The following SPHKAP variants were observed in gnomAD, a reference collection of about 807,000 sequenced individuals.
SPHKAP encodes the protein SPHK1 interactor, AKAP domain containing.
SPHKAP carries 67 observed loss-of-function variants against 137.5 expected under a neutral mutation model. The ratio of observed to expected loss-of-function variants is 0.49; its 90% CI spans 0.40 to 0.60. The LOEUF is 0.60. Among genes scored for constraint, SPHKAP ranks in the 20% least tolerant of loss-of-function variants. SPHKAP has a pLI of 0.00. For missense variants in SPHKAP, 2,097 were observed against 2,069.3 expected (o/e 1.01, Z -0.26); for synonymous variants, 813 against 785.3 (o/e 1.04, Z -0.59).
intron 3 of SPHKAP, among the ~76,000 whole-genome samples, chr2:228,100,511 T>C (rs1698154934): frequency 1.3e-5 from 2 of 152,214 alleles, no homozygotes; most frequent in Non-Finnish European, 2.9e-5. Flanking sequence ...TTTTGAGGTA[T>C]GTTACTTTGA....
At chr2:227,999,218 A>T (rs1693753211) in intron 7 of SPHKAP, among the ~76,000 whole-genome samples, 1 of 152,158 alleles carries the variant, frequency 6.6e-6, no homozygotes, top group African/African-American at 2.4e-5. Context: ...TAGGTTTGGC[A>T]TTGAGGTGTG....
intron 3 of SPHKAP, among the ~76,000 whole-genome samples, chr2:228,071,966 G>C (rs941123125): frequency 3.9e-5 from 6 of 152,214 alleles, no homozygotes; most frequent in Admixed American, 6.5e-5. Flanking sequence ...GTGTCTGTGA[G>C]TATTTCTGGA....
chr2:228,131,810 A>G (rs1699261918), intron 2 of SPHKAP, 170 bp downstream of exon 2: 2 of 982,766 alleles, frequency 2.0e-6, no homozygotes, highest in Non-Finnish European at 1.2e-6. Context: ...CATCATTTCC[A>G]TGAATTAAAA....
chr2:228,035,726 C>T (rs1489509734), intron 3 of SPHKAP, among the ~76,000 whole-genome samples: 1 of 152,064 alleles, frequency 6.6e-6, no homozygotes, highest in Non-Finnish European at 1.5e-5. Flanking sequence ...GAAATAATGC[C>T]ACATATCTAC....
intron 1 of SPHKAP, among the ~76,000 whole-genome samples, chr2:228,144,181 C>T (rs576840633): frequency 1.3e-5 from 2 of 152,300 alleles, no homozygotes; most frequent in African/African-American, 4.8e-5. Context: ...CTCTTTATCT[C>T]TGTTTGCCCA....
At chr2:228,091,163 C>T (rs1321364779) in intron 3 of SPHKAP, among the ~76,000 whole-genome samples, 1 of 151,930 alleles carries the variant, frequency 6.6e-6, no homozygotes, top group Non-Finnish European at 1.5e-5. Context: ...AGGATAAAAA[C>T]AGATTAAAAA....
chr2:228,096,098 G>A (rs1356065348), intron 3 of SPHKAP, among the ~76,000 whole-genome samples: 1 of 152,138 alleles, frequency 6.6e-6, no homozygotes, highest in African/African-American at 2.4e-5. Context: ...TTATGGGGCA[G>A]CAAGTGGGTA....
At chr2:228,021,253 T>A (rs1694832195) in intron 6 of SPHKAP, among the ~76,000 whole-genome samples, 1 of 152,146 alleles carries the variant, frequency 6.6e-6, no homozygotes, top group Non-Finnish European at 1.5e-5. Context: ...ACTCCCAAAT[T>A]AGACAAACAA....
At chr2:228,132,130 T>C in intron 1 of SPHKAP, 45 bp from the exon 2 acceptor site, 2 of 1,464,792 alleles carry the variant, frequency 1.4e-6, no homozygotes, top group Non-Finnish European at 1.9e-6. Flanking sequence ...GTGAGTCATA[T>C]CTATATTTGG....
chr2:228,048,785 C>T (rs1696155161), intron 3 of SPHKAP, among the ~76,000 whole-genome samples: 1 of 152,036 alleles, frequency 6.6e-6, no homozygotes, highest in Admixed American at 6.6e-5. Flanking sequence ...GTCTGTGGGC[C>T]ACTTGTATGT....
chr2:228,127,735 C>T (rs1013154937), intron 2 of SPHKAP, among the ~76,000 whole-genome samples: 1 of 152,058 alleles, frequency 6.6e-6, no homozygotes, highest in Non-Finnish European at 1.5e-5. Flanking sequence ...AAAACAATAT[C>T]TGTTTTCTAT....
At chr2:228,175,369 T>C (rs1048615719) in intron 1 of SPHKAP, among the ~76,000 whole-genome samples, 6 of 152,150 alleles carry the variant, frequency 3.9e-5, no homozygotes, top group Non-Finnish European at 7.4e-5. Context: ...TTATGACATT[T>C]GTAAAAATAA....
intron 2 of SPHKAP, among the ~76,000 whole-genome samples, chr2:228,115,114 A>G (rs1698663586): frequency 6.6e-6 from 1 of 152,074 alleles, no homozygotes; most frequent in Admixed American, 6.6e-5. Context: ...AAATATAAGT[A>G]TTCCTTATAG....
intron 1 of SPHKAP, among the ~76,000 whole-genome samples, chr2:228,142,471 C>CA (rs112561589): frequency 0.014 from 1,707 of 118,480 alleles, 18 homozygotes; most frequent in African/African-American, 0.034. Context: ...GACTCCATCT[C>CA]AAAAAAAAAA....
chr2:228,127,403 A>T (rs1699110237), intron 2 of SPHKAP, among the ~76,000 whole-genome samples: 1 of 152,248 alleles, frequency 6.6e-6, no homozygotes, highest in Non-Finnish European at 1.5e-5. Flanking sequence ...AGAAGAAAAC[A>T]TTGGTGAACT....
intron 3 of SPHKAP, among the ~76,000 whole-genome samples, chr2:228,060,541 G>A (rs1394020805): frequency 6.6e-6 from 1 of 152,136 alleles, no homozygotes; most frequent in African/African-American, 2.4e-5. Context: ...TTTTTAATTT[G>A]ATTAATAATT....
chr2:228,073,067 C>A (rs1460208132), intron 3 of SPHKAP, among the ~76,000 whole-genome samples: 1 of 152,198 alleles, frequency 6.6e-6, no homozygotes, highest in Non-Finnish European at 1.5e-5. Flanking sequence ...CTAACTGGAA[C>A]AGATAATCAG....
At chr2:228,011,412 A>T (rs1694363126) in intron 7 of SPHKAP, among the ~76,000 whole-genome samples, 1 of 152,228 alleles carries the variant, frequency 6.6e-6, no homozygotes, top group South Asian at 2.1e-4. Context: ...TTTAGGCTAC[A>T]GAGACTGGTA....
intron 3 of SPHKAP, among the ~76,000 whole-genome samples, chr2:228,048,917 A>C (rs998855618): frequency 6.6e-5 from 10 of 152,150 alleles, no homozygotes; most frequent in South Asian, 4.1e-4. Flanking sequence ...GCAGAATGAC[A>C]AAATCACCTA....
Sources: allele counts gnomAD v4.1 joint callset (sites outside exome capture counted in the v4.1 genomes callset), GRCh38; gene constraint gnomAD v4.1.1; transcripts MANE v1.5; gene names NCBI Gene and HGNC (gene_info 2026-07-23, HGNC 2026-07-21).